Variants in IREB2 observed in about 807,000 individuals in gnomAD.
The protein encoded by IREB2 is iron responsive element binding protein 2, also known as iron-responsive element-binding protein 2.
A neutral mutation model predicts 118.8 loss-of-function variants in IREB2; 39 were observed. The ratio of observed to expected loss-of-function variants is 0.33; its 90% CI spans 0.25 to 0.43. IREB2 has a LOEUF of 0.43. Ranked by LOEUF, IREB2 falls within the 20% of genes least tolerant of loss-of-function variation. IREB2 has a pLI of 1.00. For synonymous variants in IREB2, 372 were observed against 392.2 expected (o/e 0.95, Z 0.61); for missense variants, 900 against 1,147.3 (o/e 0.78, Z 3.11).
At position 78,500,679 on chromosome 15, in the gene IREB2, C is replaced by T. The variant is rs1203545225; in HGVS notation, c.*2536C>T. The T allele has an allele frequency of 2.6e-5, 4 of 152,012 alleles. No homozygotes were observed. Among genetic ancestry groups the T allele is most frequent in the African/African-American group, 9.7e-5 (4 of 41,366 alleles). The allele number at this position is 152,012 out of a possible 1,614,324, so 9.4% of individuals were successfully genotyped here. ...ACTTTGAAAACATTATGCTACATAT[C>T]ATTGCCATTTTCATATTTTGGGGTT... On this transcript the variant is annotated 3_prime_UTR_variant, in exon 22 of 22. Coordinates refer to ENST00000258886, the MANE Select transcript of IREB2 (RefSeq NM_004136.4).
rs2051796373 is a variant in IREB2 at position 78,493,944 on chromosome 15, G to A, written c.2360G>A (p.Arg787Gln). The change falls in exon 19 of 22, where the codon CGA (arginine) becomes CAA (glutamine). Residue 787 changes from arginine (R) to glutamine (Q), a missense_variant. By Grantham distance (43) the Arg-to-Gln change is conservative (BLOSUM62 1). Coordinates refer to ENST00000258886, the MANE Select transcript of IREB2 (RefSeq NM_004136.4). ...CGTGAATTCAACTCTTACGGAGCTC[G>A]AAGAGGTAATGATGCTGTAATGACA... ...TPREFNSYGA[R>Q]RGNDAVMTRG... 3.1e-6 allele frequency: 5 copies of A among 1,613,900 alleles called. No homozygotes were observed. Among genetic ancestry groups the A allele is most frequent in the South Asian group, 1.1e-5 (1 of 91,050 alleles).
rs1062980 is a variant in IREB2, at chr15:78,500,185, T to C, written c.*2042T>C. ...TGAAAGCATACTCTATATATAGTTATGGGCAGAGGCACAGGCATCCTCAGC... is the reference window on the plus strand; with the variant it reads ...TGAAAGCATACTCTATATATAGTTACGGGCAGAGGCACAGGCATCCTCAGC... On this transcript the variant is annotated 3_prime_UTR_variant, in exon 22 of 22. Transcript: ENST00000258886. 60,450 of 151,970 alleles carry C rather than the reference T, an allele frequency of 0.4. 12,202 individuals carry two copies. Among genetic ancestry groups the C allele is most frequent in the South Asian group, 0.51 (2,464 of 4,826 alleles). 9.4% of individuals were successfully genotyped at this position (151,970 alleles called of 1,614,324 possible).
rs1227939014 is a variant in IREB2 at position 78,501,213 on chromosome 15, A to G, written c.*3070A>G. The G allele has an allele frequency of 6.6e-6, 1 of 152,432 alleles. No homozygotes were observed. The highest frequency in any genetic ancestry group is 1.5e-5 in the Non-Finnish European group (1 of 68,038). The allele number at this position is 152,432 out of a possible 1,614,324, so 9.4% of individuals were successfully genotyped here. On this transcript the variant is annotated 3_prime_UTR_variant, in exon 22 of 22. Coordinates refer to ENST00000258886, the MANE Select transcript of IREB2 (RefSeq NM_004136.4). ...CGTTTCTATCAATTTTACACATAAT[A>G]TGTGGCTATGAAACCATATATCTCA...
At chr15:78,488,608 A>AT (rs770290322) in intron 15 of IREB2, 39 bp from the exon 16 acceptor site, 9 of 1,561,588 alleles carry the variant, frequency 5.8e-6, no homozygotes, top group South Asian at 2.4e-5. Flanking sequence ...TTTCAGAGTT[A>AT]TTTTTTTACT....
chr15:78,485,539 G>C (rs1370647753), intron 12 of IREB2, among the ~76,000 whole-genome samples, 166 bp from the exon 13 acceptor site: 1 of 152,190 alleles, frequency 6.6e-6, no homozygotes, highest in Non-Finnish European at 1.5e-5. Flanking sequence ...TAAATTTGTT[G>C]TAAATGAAGC....
intron 11 of IREB2, among the ~76,000 whole-genome samples, chr15:78,484,150 ATT>A (rs1472381211): frequency 2.6e-5 from 4 of 151,678 alleles, no homozygotes; most frequent in Admixed American, 6.6e-5. Flanking sequence ...GAGGGTTTGT[ATT>A]TTCTGTCTGA....
chr15:78,447,404 C>T (rs1203689791), intron 2 of IREB2, among the ~76,000 whole-genome samples: 1 of 151,164 alleles, frequency 6.6e-6, no homozygotes, highest in Non-Finnish European at 1.5e-5. Context: ...CGTCTCGGCT[C>T]ACTGCAACCT....
At chr15:78,456,311 C>T (rs950465980) in intron 2 of IREB2, among the ~76,000 whole-genome samples, 3 of 152,096 alleles carry the variant, frequency 2.0e-5, no homozygotes, top group Admixed American at 1.3e-4. Flanking sequence ...ATTACTTTTA[C>T]AAATTTAGAC....
chr15:78,448,765 C>G (rs953261863), intron 2 of IREB2, among the ~76,000 whole-genome samples: 3 of 152,194 alleles, frequency 2.0e-5, no homozygotes, highest in African/African-American at 7.2e-5. Context: ...TCCTAGCCCC[C>G]TTTCCCAGTC....
intron 2 of IREB2, among the ~76,000 whole-genome samples, chr15:78,441,623 T>C (rs1373074343): frequency 6.6e-6 from 1 of 152,168 alleles, no homozygotes; most frequent in African/African-American, 2.4e-5. Context: ...ATTTCTCAAA[T>C]TTAAGGAATC....
chr15:78,444,306 T>G (rs1418225068), intron 2 of IREB2, among the ~76,000 whole-genome samples: 1 of 152,026 alleles, frequency 6.6e-6, no homozygotes, highest in East Asian at 1.9e-4. Context: ...ATCAGAGAAT[T>G]AGAATGAACA....
chr15:78,478,400 A>T lies in IREB2; in HGVS notation c.1296+3A>T. ...CAGGAGAACCTGAATACTCCCAGGT[A>T]TATGCAGAATAACCCACCTCGTAGC... is the stretch of plus-strand genomic sequence containing the variant. On this transcript the variant is annotated splice_donor_region_variant and intron_variant, in intron 10 of 21. Coordinates refer to ENST00000258886, the MANE Select transcript of IREB2 (RefSeq NM_004136.4). The T allele has an allele frequency of 6.6e-7, 1 of 1,513,394 alleles. No individual in the cohort carries two copies. The highest frequency in any genetic ancestry group is 9.2e-7 in the Non-Finnish European group (1 of 1,088,460). The allele number at this position is 1,513,394 out of a possible 1,614,324, so 93.7% of individuals were successfully genotyped here. A position where few individuals can be genotyped will look rare whatever the true frequency, so the allele number is the denominator to read the frequency against.
intron 12 of IREB2, among the ~76,000 whole-genome samples, chr15:78,485,465 G>C (rs777831749): frequency 9.2e-5 from 14 of 152,114 alleles, no homozygotes; most frequent in Non-Finnish European, 1.3e-4. Context: ...TGCACCTTTT[G>C]TTTACTCTGT....
intron 18 of IREB2, among the ~76,000 whole-genome samples, chr15:78,492,927 C>T (rs1277827309): frequency 6.6e-6 from 1 of 152,084 alleles, no homozygotes; most frequent in Non-Finnish European, 1.5e-5. Context: ...TATAGTATCA[C>T]TATTTTACGG....
chr15:78,474,146 ATGTC>A (rs1219329408), intron 8 of IREB2: 1 of 152,188 alleles, frequency 6.6e-6, no homozygotes, highest in Non-Finnish European at 1.5e-5. Context: ...TTCTTCCTAA[ATGTC>A]TGGCCTTTGC....
chr15:78,488,659 C>T lies in IREB2; in HGVS notation c.1964C>T (p.Thr655Ile). Residue 655 changes from threonine to isoleucine, a missense_variant, in exon 16 of 22, where the codon ACC (threonine) becomes ATC (isoleucine). Thr to Ile is a moderately conservative substitution (Grantham distance 89, BLOSUM62 -1). Transcript: ENST00000258886. Reference protein sequence around the residue: ...FQTEPLGTDPTGKNIYLHDIW... With the variant: ...FQTEPLGTDPIGKNIYLHDIW... Reference sequence around the variant, plus strand: ...AAATTTTAACCAGGTACTGACCCCACCGGCAAGAACATTTACCTGCATGAT... The same window carrying T: ...AAATTTTAACCAGGTACTGACCCCATCGGCAAGAACATTTACCTGCATGAT... 6.2e-7 allele frequency: 1 copy of T among 1,608,042 alleles called. No individual in the cohort carries two copies. Among genetic ancestry groups the T allele is most frequent in the Non-Finnish European group, 8.5e-7 (1 of 1,178,268 alleles).
chr15:78,460,798 G>A (rs2051183687), intron 2 of IREB2, among the ~76,000 whole-genome samples: 1 of 152,002 alleles, frequency 6.6e-6, no homozygotes, highest in Non-Finnish European at 1.5e-5. Flanking sequence ...GAAATGTAAG[G>A]ACTTAACTTG....
In IREB2 at chr15:78,490,768, G is replaced by A. The variant is rs767439143; in HGVS notation, c.2324+7G>A. ...AGTATTTGACAAACAGAGGGTATGT[G>A]TACATGGCTTTAGAGTGTTTTTGTT... On this transcript the variant is annotated splice_region_variant and intron_variant, in intron 18 of 21. Transcript: ENST00000258886. The A allele has an allele frequency of 1.2e-6, 2 of 1,613,028 alleles. No individual in the cohort carries two copies. The highest frequency in any genetic ancestry group is 1.7e-6 in the Non-Finnish European group (2 of 1,179,584).
chr15:78,466,225 T>C, intron 4 of IREB2, 46 bp from the exon 5 acceptor site: 1 of 1,318,904 alleles, frequency 7.6e-7, no homozygotes, highest in Non-Finnish European at 1.1e-6. Context: ...GCTAAATTTG[T>C]GTCCCTTTTA....
Sources: allele counts gnomAD v4.1 joint callset (sites outside exome capture counted in the v4.1 genomes callset), GRCh38; gene constraint gnomAD v4.1.1; transcripts MANE v1.5; gene names NCBI Gene and HGNC (gene_info 2026-07-23, HGNC 2026-07-21).